The following DENND2D variants were observed in gnomAD, a reference collection of about 807,000 sequenced individuals.
The protein encoded by DENND2D is DENN domain-containing protein 2D.
DENND2D carries 37 observed loss-of-function variants against 59.8 expected under a neutral mutation model. The ratio of observed to expected loss-of-function variants is 0.62; its 90% CI spans 0.48 to 0.81. The LOEUF (loss-of-function observed/expected upper bound fraction) is 0.81, where lower values mean the gene tolerates loss of function less well. Ranked by LOEUF, DENND2D falls within the 40% of genes least tolerant of loss-of-function variation. DENND2D has a pLI of 0.00. For synonymous variants in DENND2D, 219 were observed against 211.3 expected (o/e 1.04, Z -0.31); for missense variants, 525 against 579.7 (o/e 0.91, Z 0.97).
Position 111,188,374 on chromosome 1 carries a change from C to T in DENND2D, c.1100-4G>A. On this transcript the variant is annotated splice_polypyrimidine_tract_variant and splice_region_variant and intron_variant, in intron 10 of 11. Transcript: ENST00000357640. ...TGCTCGTTGATTTGTTCTGCAGCTG[C>T]AGGAGATATAAAGGCCATCTCAGAG... 6.2e-7 allele frequency: 1 copy of T among 1,612,858 alleles called. No individual in the cohort carries two copies. The highest frequency in any genetic ancestry group is 8.5e-7 in the Non-Finnish European group (1 of 1,179,570).
chr1:111,197,357 A>T, intron 4 of DENND2D, 104 bp from the exon 5 acceptor site: 1 of 1,522,618 alleles, frequency 6.6e-7, no homozygotes, highest in Non-Finnish European at 8.8e-7. Context: ...AGGGGGATTT[A>T]TGGGGAATGG....
chr1:111,199,715 G>GC lies in DENND2D; in HGVS notation c.150dup (p.Gln51AlafsTer5), dbSNP rs1433622303. 1.2e-6 allele frequency: 2 copies of GC among 1,614,124 alleles called. No individual in the cohort carries two copies. The highest frequency in any genetic ancestry group is 1.3e-5 in the African/African-American group (1 of 75,012). On this transcript the variant is annotated frameshift_variant, in exon 2 of 12. Transcript: ENST00000357640. LOFTEE classifies it high-confidence loss of function. ...ACAAGAAGGTATTCAAAGAAGTGCTGCCCCCCAGCAAAGTTGGGCAAAGAG... is the reference window on the plus strand; with the variant it reads ...ACAAGAAGGTATTCAAAGAAGTGCTGCCCCCCCAGCAAAGTTGGGCAAAGAG...
intron 8 of DENND2D, among the ~76,000 whole-genome samples, chr1:111,190,581 A>G (rs1657682010): frequency 1.3e-5 from 2 of 152,252 alleles, no homozygotes; most frequent in Admixed American, 1.3e-4. Context: ...GACAACACTC[A>G]GATGGAACTG....
chr1:111,197,998 G>A lies in DENND2D; in HGVS notation c.357-9C>T. Reference sequence around the variant, plus strand: ...CGAAGGAGAAGGTCTCCCTAAGAAAGAGCAGACAAGGCTTGATTTGTATTG... The same window carrying A: ...CGAAGGAGAAGGTCTCCCTAAGAAAAAGCAGACAAGGCTTGATTTGTATTG... On this transcript the variant is annotated splice_polypyrimidine_tract_variant and intron_variant, in intron 3 of 11. Transcript: ENST00000357640. The A allele has an allele frequency of 6.2e-7, 1 of 1,613,582 alleles. No individual in the cohort carries two copies. The highest frequency in any genetic ancestry group is 8.5e-7 in the Non-Finnish European group (1 of 1,179,694).
Position 111,187,587 on chromosome 1 carries a change from T to C in DENND2D, c.*18A>G, listed in dbSNP as rs937872902. 1.9e-6 allele frequency: 3 copies of C among 1,607,498 alleles called. No homozygotes were observed. In the African/African-American group the frequency reaches 4.0e-5, roughly 21 times the overall value. ...AGAAATGGTGTGTAGCTCTAGTCAT[T>C]CTTATTCACCACAGCTCTTATTTCA... On this transcript the variant is annotated 3_prime_UTR_variant, in exon 12 of 12. Coordinates refer to ENST00000357640, the MANE Select transcript of DENND2D (RefSeq NM_024901.5).
chr1:111,204,296 C>T (rs759207991), upstream of DENND2D: 1 of 1,481,892 alleles, frequency 6.7e-7, no homozygotes, highest in South Asian at 1.3e-5. Context: ...CGGCACTAAC[C>T]CCCATGGCCG....
rs761054531 is a variant in DENND2D, at chr1:111,186,403, CCAAAAG to C, written c.*1196_*1201del. On this transcript the variant is annotated 3_prime_UTR_variant, in exon 12 of 12. Coordinates refer to ENST00000357640, the MANE Select transcript of DENND2D (RefSeq NM_024901.5). The stretch of plus-strand genomic sequence containing the variant: ...CCACCTGCAGTAGGTCTCTGCACTC[CCAAAAG>C]CAAATTACATTGGCTTGAACTTCAG... Among the ~76,000 whole-genome samples the C allele has an allele frequency of 6.6e-6, 1 of 152,298 alleles. No homozygotes were observed. The highest frequency in any genetic ancestry group is 2.1e-4 in the South Asian group (1 of 4,822).
intron 1 of DENND2D, 182 bp downstream of exon 1, chr1:111,200,211 C>T (rs1449417025): frequency 1.4e-6 from 1 of 731,036 alleles, no homozygotes; most frequent in East Asian, 2.8e-5. Flanking sequence ...ACCACACTAG[C>T]CCCAGAGAGG....
At chr1:111,194,329 T>C (rs1374945860) in intron 7 of DENND2D, among the ~76,000 whole-genome samples, 1 of 152,208 alleles carries the variant, frequency 6.6e-6, no homozygotes, top group African/African-American at 2.4e-5. Context: ...GTCCCAGGAA[T>C]ACTTCCTGTC....
Position 111,194,993 on chromosome 1 carries a change from G to A in DENND2D, c.646-267C>T, listed in dbSNP as rs1658094572. 3 of 446,774 alleles carry A rather than the reference G, an allele frequency of 6.7e-6. No homozygotes were observed. The South Asian group carries it at 1.1e-4, about 17-fold the overall frequency. 27.7% of individuals were successfully genotyped at this position (446,774 alleles called of 1,614,324 possible). ...CACCACATGGGCTTCTGTTCCTTGA[G>A]CAATCCCATCTTTCCTGCCTGCAGC... On this transcript the variant is annotated intron_variant, in intron 6 of 11. Coordinates refer to ENST00000357640, the MANE Select transcript of DENND2D (RefSeq NM_024901.5).
intron 5 of DENND2D, chr1:111,196,920 C>T (rs1449505476): frequency 9.1e-6 from 4 of 441,740 alleles, no homozygotes; most frequent in Non-Finnish European, 1.7e-5. Flanking sequence ...TTCTGCTTGT[C>T]CTACTTCAAC....
upstream of DENND2D, chr1:111,204,266 C>A (rs1042940200): frequency 8.2e-6 from 12 of 1,459,534 alleles, no homozygotes; most frequent in Admixed American, 2.5e-4. Context: ...CCCACGCCGT[C>A]CCCCCGCGCT....
intron 3 of DENND2D, among the ~76,000 whole-genome samples, chr1:111,198,320 G>A (rs610261): frequency 0.16 from 23,789 of 152,196 alleles, 1,947 homozygotes; most frequent in African/African-American, 0.18. Context: ...CCTTTGCTAC[G>A]TCGCCTTCTT....
At chr1:111,195,454 C>A in intron 6 of DENND2D, 1 of 168,638 alleles carries the variant, frequency 5.9e-6, no homozygotes, top group South Asian at 1.3e-4. Flanking sequence ...CAGTGTTCTA[C>A]CTGCTGCCTC....
chr1:111,201,182 A>T (rs994215811), upstream of DENND2D: 1 of 152,880 alleles, frequency 6.5e-6, no homozygotes, highest in South Asian at 2.1e-4. Flanking sequence ...TCTGGAAGTC[A>T]ATACCCAATA....
chr1:111,192,064 C>T, intron 8 of DENND2D, 76 bp downstream of exon 8: 1 of 1,369,466 alleles, frequency 7.3e-7, no homozygotes, highest in Non-Finnish European at 9.8e-7. Context: ...AATCACACAG[C>T]TGTAAGCAGC....
At position 111,192,139 on chromosome 1, in the gene DENND2D, C is replaced by A; in HGVS notation, c.972+1G>T. On this transcript the variant is annotated splice_donor_variant, in intron 8 of 11. Coordinates refer to ENST00000357640, the MANE Select transcript of DENND2D (RefSeq NM_024901.5). LOFTEE classifies it high-confidence loss of function. ...CATGCACTCTTCTTGCCACATCATACCTCTTCCATAGGGCTGTCCATGACC... is the reference window on the plus strand; with the variant it reads ...CATGCACTCTTCTTGCCACATCATAACTCTTCCATAGGGCTGTCCATGACC... 1 of 1,593,036 alleles carries A rather than the reference C, an allele frequency of 6.3e-7. No homozygotes were observed. Among genetic ancestry groups the A allele is most frequent in the Non-Finnish European group, 8.6e-7 (1 of 1,167,204 alleles).
In DENND2D at chr1:111,188,709, C is replaced by T. The variant is rs543038892; in HGVS notation, c.1092G>A (p.Glu364=). 4 of 1,613,786 alleles carry T rather than the reference C, an allele frequency of 2.5e-6. No individual in the cohort carries two copies. The highest frequency in any genetic ancestry group is 3.4e-6 in the Non-Finnish European group (4 of 1,179,822). Residue 364 remains glutamate, a synonymous_variant, in exon 10 of 12, where the codon GAG becomes GAA. Transcript: ENST00000357640. ...ATAAGAGTAAGGACTTACTCTTTAACTCATTGATCCCCTGACCAAGAGAGT... is the reference window on the plus strand; with the variant it reads ...ATAAGAGTAAGGACTTACTCTTTAATTCATTGATCCCCTGACCAAGAGAGT... ...ILDSLGQGIN[E]LKTAEQINEH...
rs571838569 is a variant in DENND2D at position 111,186,685 on chromosome 1, C to A, written c.*920G>T. On this transcript the variant is annotated 3_prime_UTR_variant, in exon 12 of 12. Coordinates refer to ENST00000357640, the MANE Select transcript of DENND2D (RefSeq NM_024901.5). Reference sequence around the variant, plus strand: ...TCAAAGGGGAAGAACGTCAGTGCAGCGATCCCTTCACCTTTAGTTAAAGAA... The same window carrying A: ...TCAAAGGGGAAGAACGTCAGTGCAGAGATCCCTTCACCTTTAGTTAAAGAA... Among the ~76,000 whole-genome samples the A allele has an allele frequency of 2.0e-5, 3 of 152,258 alleles. No homozygotes were observed. The East Asian group carries it at 5.8e-4, about 29-fold the overall frequency.
Sources: allele counts gnomAD v4.1 joint callset (sites outside exome capture counted in the v4.1 genomes callset), GRCh38; gene constraint gnomAD v4.1.1; transcripts MANE v1.5; gene names NCBI Gene and HGNC (gene_info 2026-07-23, HGNC 2026-07-21).